The following NTM variants were observed in gnomAD, a reference collection of about 807,000 sequenced individuals.
NTM encodes neurotrimin.
A neutral mutation model predicts 42.1 loss-of-function variants in NTM; 13 were observed. The ratio of observed to expected loss-of-function variants is 0.31; its 90% confidence interval spans 0.20 to 0.49. The LOEUF (loss-of-function observed/expected upper bound fraction) is 0.49, where lower values mean the gene tolerates loss of function less well. NTM is among the 20% of genes least tolerant of loss of function. The pLI is 0.99. For synonymous variants in NTM, 187 were observed against 179.2 expected (o/e 1.04, Z -0.35); for missense variants, 373 against 452.8 (o/e 0.82, Z 1.60).
intron 4 of NTM, among the ~76,000 whole-genome samples, chr11:132,224,456 C>T (rs1203633536): frequency 6.6e-6 from 1 of 152,040 alleles, no homozygotes; most frequent in Non-Finnish European, 1.5e-5. Flanking sequence ...GTTAGGGGAG[C>T]AGGAGCAGAT....
intron 1 of NTM, among the ~76,000 whole-genome samples, chr11:131,858,549 G>A (rs773533573): frequency 3.9e-5 from 6 of 152,138 alleles, no homozygotes; most frequent in East Asian, 1.9e-4. Context: ...GAGGTTTTCC[G>A]CACGCTGGTG....
chr11:132,108,647 C>G (rs377425142), intron 2 of NTM, among the ~76,000 whole-genome samples: 10 of 151,930 alleles, frequency 6.6e-5, no homozygotes, highest in African/African-American at 2.2e-4. Flanking sequence ...TCCATGAAAC[C>G]GAATGTCACC....
chr11:132,261,868 T>A (rs2092878805), intron 4 of NTM, among the ~76,000 whole-genome samples: 1 of 152,138 alleles, frequency 6.6e-6, no homozygotes. Context: ...TGCACGAAGT[T>A]TAAACTGAAA....
At chr11:131,795,395 T>G (rs1015055627) in intron 1 of NTM, 13 of 984,726 alleles carry the variant, frequency 1.3e-5, no homozygotes, top group Non-Finnish European at 1.6e-5. Flanking sequence ...AAAAAGGGAA[T>G]AGTGATATTT....
intron 2 of NTM, among the ~76,000 whole-genome samples, chr11:131,976,017 C>A (rs1370935276): frequency 6.6e-6 from 1 of 152,072 alleles, no homozygotes; most frequent in African/African-American, 2.4e-5. Flanking sequence ...GTCTTGTTAC[C>A]TGCTCAAAAA....
chr11:131,988,164 G>A (rs546738306), intron 2 of NTM, among the ~76,000 whole-genome samples: 11 of 152,296 alleles, frequency 7.2e-5, no homozygotes, highest in East Asian at 5.8e-4. Context: ...CTTTTATAAG[G>A]ACACTAATTC....
chr11:131,881,995 T>C (rs1372912002), intron 1 of NTM, among the ~76,000 whole-genome samples: 2 of 152,190 alleles, frequency 1.3e-5, no homozygotes, highest in East Asian at 3.9e-4. Context: ...CATCAATTAA[T>C]TGCGATTTAG....
intron 2 of NTM, among the ~76,000 whole-genome samples, chr11:131,955,065 A>G (rs539610430): frequency 5.5e-4 from 84 of 152,220 alleles, no homozygotes; most frequent in African/African-American, 1.8e-3. Context: ...CTTAGGATAT[A>G]TTCTTCCAGT....
At chr11:131,664,269 A>G (rs2068598814) in intron 1 of NTM, among the ~76,000 whole-genome samples, 1 of 152,252 alleles carries the variant, frequency 6.6e-6, no homozygotes, top group Admixed American at 6.5e-5. Context: ...TGGTAGTGTA[A>G]TACTGCATAA....
chr11:132,033,404 G>C (rs577041815), intron 2 of NTM, among the ~76,000 whole-genome samples: 3 of 152,234 alleles, frequency 2.0e-5, no homozygotes, highest in Non-Finnish European at 4.4e-5. Context: ...ATTTCCAGCA[G>C]CTATTGAAGA....
chr11:131,466,498 A>G (rs1298780511), intron 1 of NTM, among the ~76,000 whole-genome samples: 1 of 152,230 alleles, frequency 6.6e-6, no homozygotes, highest in African/African-American at 2.4e-5. Context: ...GTGACAACTA[A>G]GGTCAGCTCT....
At position 131,489,301 on chromosome 11, in the gene NTM, A is replaced by T. The variant is rs186308591; in HGVS notation, c.82+118413A>T. Among the ~76,000 whole-genome samples, 418 of 152,108 alleles carry T rather than the reference A, an allele frequency of 2.7e-3. 4 individuals carry two copies. Among genetic ancestry groups the T allele is most frequent in the African/African-American group, 9.0e-3 (372 of 41,466 alleles). ...CTTTTTTCCCCGTAGAAAGCTTGTG[A>T]CTCAAATGCCTCTTTTCACTTTGAA... On this transcript the variant is annotated intron_variant, in intron 1 of 8. Coordinates refer to ENST00000683400, the MANE Select transcript of NTM (RefSeq NM_001352005.2).
At chr11:131,828,665 T>C (rs138261870) in intron 1 of NTM, among the ~76,000 whole-genome samples, 1 of 152,182 alleles carries the variant, frequency 6.6e-6, no homozygotes, top group African/African-American at 2.4e-5. Context: ...TACTACTATC[T>C]GATTGTGATC....
At chr11:132,091,210 C>T (rs929660869) in intron 2 of NTM, among the ~76,000 whole-genome samples, 1 of 151,944 alleles carries the variant, frequency 6.6e-6, no homozygotes, top group Admixed American at 6.6e-5. Context: ...ATCAACATGG[C>T]AAAACCCTGT....
At chr11:131,858,525 T>C (rs761793236) in intron 1 of NTM, among the ~76,000 whole-genome samples, 1 of 152,198 alleles carries the variant, frequency 6.6e-6, no homozygotes, top group Non-Finnish European at 1.5e-5. Context: ...ATTGTCACCA[T>C]TCGTAGAACC....
At chr11:131,560,618 T>A (rs35265054) in intron 1 of NTM, among the ~76,000 whole-genome samples, 23,401 of 152,220 alleles carry the variant, frequency 0.15, 2,153 homozygotes, top group Non-Finnish European at 0.21. Context: ...AGTCACATCT[T>A]TTGAATATGA....
chr11:131,679,437 G>A (rs1313968254), intron 1 of NTM, among the ~76,000 whole-genome samples: 1 of 152,072 alleles, frequency 6.6e-6, no homozygotes, highest in Non-Finnish European at 1.5e-5. Flanking sequence ...ACTGGGTTGA[G>A]AAGGATTCCA....
chr11:132,172,492 T>C (rs2076246608), intron 3 of NTM, among the ~76,000 whole-genome samples: 1 of 152,154 alleles, frequency 6.6e-6, no homozygotes, highest in Admixed American at 6.5e-5. Context: ...ATGCATTCAG[T>C]GGCTGGAAAT....
chr11:132,037,282 C>A (rs1194975945), intron 2 of NTM, among the ~76,000 whole-genome samples: 2 of 152,164 alleles, frequency 1.3e-5, no homozygotes, highest in African/African-American at 4.8e-5. Flanking sequence ...TCCTCTCTCC[C>A]CTGTGATTTC....
Sources: gnomAD v4.1 joint callset for allele counts (sites outside exome capture counted in the v4.1 genomes callset) on GRCh38, gnomAD v4.1.1 for gene constraint, MANE v1.5 for transcripts, NCBI Gene and HGNC (gene_info 2026-07-23, HGNC 2026-07-21) for gene names.